LDLRAD2: variants seen among roughly 807,000 people sequenced by gnomAD.
The protein encoded by LDLRAD2 is low density lipoprotein receptor class A domain containing 2, also known as low-density lipoprotein receptor class A domain-containing protein 2.
Under a neutral mutation model 24.9 loss-of-function variants are expected in LDLRAD2, and 25 were observed. That is an observed-to-expected ratio of 1.00 (90% CI 0.73 to 1.40). The LOEUF (loss-of-function observed/expected upper bound fraction) is 1.40. Among genes scored for constraint, LDLRAD2 ranks in the 40% most tolerant of loss-of-function variants. LDLRAD2 has a pLI of 0.00. For missense variants in LDLRAD2, 391 were observed against 366.2 expected (o/e 1.07, Z -0.55); for synonymous variants, 182 against 166.7 (o/e 1.09, Z -0.71).
At chr1:21,813,673 C>T (rs559439871) in intron 1 of LDLRAD2, among the ~76,000 whole-genome samples, 2 of 152,308 alleles carry the variant, frequency 1.3e-5, no homozygotes, top group East Asian at 3.9e-4. Context: ...AGGATATTTG[C>T]TATTTCAGTT....
chr1:21,812,530 G>T lies in LDLRAD2; in HGVS notation c.79G>T (p.Glu27Ter). 1 of 1,613,994 alleles carries T rather than the reference G, an allele frequency of 6.2e-7. No individual in the cohort carries two copies. The highest frequency in any genetic ancestry group is 1.1e-5 in the South Asian group (1 of 91,034). The change falls in exon 1 of 5, where the codon GAG (glutamate) becomes TAG (stop). Residue 27 changes from glutamate (E) to a stop codon, truncating the protein, a stop_gained. Transcript: ENST00000344642. LOFTEE classifies it high-confidence loss of function. Reference protein sequence around the residue: ...GAAALTATALETADLAELCGQ... With the variant: ...GAAALTATAL ...AGCCGCCCTGACTGCAACTGCTTTGGAGACAGGTAAGTATCAGGGGGCTTG... is the reference window on the plus strand; with the variant it reads ...AGCCGCCCTGACTGCAACTGCTTTGTAGACAGGTAAGTATCAGGGGGCTTG...
chr1:21,816,968 C>T (rs979108450), intron 3 of LDLRAD2, among the ~76,000 whole-genome samples: 3 of 152,142 alleles, frequency 2.0e-5, no homozygotes, highest in African/African-American at 4.8e-5. Flanking sequence ...GATGTATAGG[C>T]GAAATCTCAA....
chr1:21,815,890 G>GT (rs1412414968), intron 2 of LDLRAD2, 53 bp from the exon 3 acceptor site: 1 of 1,602,994 alleles, frequency 6.2e-7, no homozygotes, highest in Admixed American at 1.7e-5. Flanking sequence ...ACATCCTGCT[G>GT]TGTCGTGGGC....
At chr1:21,821,143 G>C (rs1029516423) in intron 3 of LDLRAD2, among the ~76,000 whole-genome samples, 1 of 152,240 alleles carries the variant, frequency 6.6e-6, no homozygotes, top group Admixed American at 6.5e-5. Flanking sequence ...GTTGCAGTGA[G>C]TGGTGATTGC....
intron 3 of LDLRAD2, among the ~76,000 whole-genome samples, chr1:21,818,523 A>G (rs2097946694): frequency 6.6e-6 from 1 of 152,206 alleles, no homozygotes; most frequent in African/African-American, 2.4e-5. Context: ...TCTTCATCAC[A>G]TCACATCACA....
chr1:21,822,443 G>C lies in LDLRAD2; in HGVS notation c.*228G>C. 1 of 567,388 alleles carries C rather than the reference G, an allele frequency of 1.8e-6. No homozygotes were observed. The highest frequency in any genetic ancestry group is 3.2e-6 in the Non-Finnish European group (1 of 315,668). 35.1% of individuals were successfully genotyped at this position (567,388 alleles called of 1,614,324 possible). A position where few individuals can be genotyped will look rare whatever the true frequency, so the allele number is the denominator to read the frequency against. On this transcript the variant is annotated 3_prime_UTR_variant, in exon 5 of 5. Coordinates refer to ENST00000344642, the MANE Select transcript of LDLRAD2 (RefSeq NM_001013693.3). The stretch of plus-strand genomic sequence containing the variant: ...CCTCTCTCTCTCAGTCGTGAGTCCT[G>C]CCTTCCCCCACCTAAGGCACTAGCT...
rs760586348 is a variant in LDLRAD2, at chr1:21,824,106, G to A, written c.*1891G>A. ...ACGCTGGGCCCCATCCCGAGTGCCC[G>A]GCAGGGTCCCTTACCGCAGTGCTGT... is the stretch of plus-strand genomic sequence containing the variant. On this transcript the variant is annotated 3_prime_UTR_variant, in exon 5 of 5. Transcript: ENST00000344642. This position sits in a 1 kb window ranked among gnomAD's most constrained non-coding sequence, Gnocchi z 5.9. The A allele has an allele frequency of 7.5e-6, 12 of 1,610,246 alleles. No homozygotes were observed. The highest frequency in any genetic ancestry group is 1.1e-5 in the South Asian group (1 of 90,820).
chr1:21,814,597 G>A lies in LDLRAD2; in HGVS notation c.285G>A (p.Ala95=). 6.2e-7 allele frequency: 1 copy of A among 1,611,270 alleles called. No individual in the cohort carries two copies. Among genetic ancestry groups the A allele is most frequent in the Non-Finnish European group, 8.5e-7 (1 of 1,179,104 alleles). Residue 95 remains alanine (A), a synonymous_variant, in exon 2 of 5, where the codon GCG becomes GCA. Transcript: ENST00000344642. The part of the protein sequence containing the change: ...LVYSLTPAPP[A]LNTSSPAPAD... ...ACAGCCTGACCCCCGCGCCCCCGGC[G>A]CTCAACACCTCCTCCCCGGCCCCGG...
chr1:21,816,754 C>T (rs529903833), intron 3 of LDLRAD2, among the ~76,000 whole-genome samples: 205 of 152,274 alleles, frequency 1.3e-3, no homozygotes, highest in Non-Finnish European at 2.0e-3. Flanking sequence ...ACTTACCTTC[C>T]CCATCCCCCG....
intron 2 of LDLRAD2, among the ~76,000 whole-genome samples, chr1:21,815,224 G>A (rs1321763429): frequency 1.3e-5 from 2 of 151,670 alleles, no homozygotes; most frequent in Non-Finnish European, 2.9e-5. Context: ...GCACCTCATC[G>A]CCCCCACACA....
chr1:21,814,356 G>T, intron 1 of LDLRAD2, 42 bp from the exon 2 acceptor site: 1 of 1,507,608 alleles, frequency 6.6e-7, no homozygotes. Flanking sequence ...TAGAGTTCGG[G>T]GTCGCGCCGC....
chr1:21,812,587 C>T (rs1446885839), intron 1 of LDLRAD2, 51 bp downstream of exon 1: 1 of 1,455,928 alleles, frequency 6.9e-7, no homozygotes, highest in African/African-American at 1.4e-5. Flanking sequence ...GGGCCCCCAC[C>T]ATCCTTAGAG....
chr1:21,814,417 C>G lies in LDLRAD2; in HGVS notation c.105C>G (p.Cys35Trp), dbSNP rs201692616. The G allele has an allele frequency of 4.6e-4, 736 of 1,604,360 alleles. 3 individuals carry two copies. The African/African-American group carries it at 8.9e-3, about 19-fold the overall frequency. Residue 35 changes from cysteine (C) to tryptophan (W), a missense_variant, in exon 2 of 5, where the codon TGC (cysteine) becomes TGG (tryptophan). Transcript: ENST00000344642. ...CTGCAGCCGACCTGGCGGAACTGTG[C>G]GGGCAGACGTGGCAGGGGGACGGGC... ...ALETADLAEL[C>W]GQTWQGDGLL... is the part of the protein sequence containing the mutation.
intron 4 of LDLRAD2, 145 bp from the exon 5 acceptor site, chr1:21,822,057 C>A: frequency 1.3e-6 from 2 of 1,503,818 alleles, no homozygotes; most frequent in East Asian, 4.8e-5. Flanking sequence ...TTGGACAGGC[C>A]CCCTAACCCT....
Position 21,823,743 on chromosome 1 carries a change from C to T in LDLRAD2, c.*1528C>T. On this transcript the variant is annotated 3_prime_UTR_variant, in exon 5 of 5. Transcript: ENST00000344642. ...CCCTGCAGTGGAACTGGGTCAGGCCCCTTTCCACAAACTTCCTGGTCCTCC... is the reference window on the plus strand; with the variant it reads ...CCCTGCAGTGGAACTGGGTCAGGCCTCTTTCCACAAACTTCCTGGTCCTCC... 6.3e-7 allele frequency: 1 copy of T among 1,595,790 alleles called. No homozygotes were observed. Among genetic ancestry groups the T allele is most frequent in the Non-Finnish European group, 8.6e-7 (1 of 1,164,738 alleles).
At chr1:21,815,903 G>T in intron 2 of LDLRAD2, 40 bp from the exon 3 acceptor site, 3 of 1,610,458 alleles carry the variant, frequency 1.9e-6, no homozygotes, top group South Asian at 1.1e-5. Context: ...TCGTGGGCTG[G>T]ACCGGAATCC....
chr1:21,822,016 G>A (rs183695864), intron 4 of LDLRAD2, 186 bp from the exon 5 acceptor site: 10 of 1,432,794 alleles, frequency 7.0e-6, no homozygotes, highest in East Asian at 2.5e-5. Context: ...CAGACTCTTT[G>A]GGTTCTAACC....
In LDLRAD2 at chr1:21,814,527, C is replaced by G; in HGVS notation, c.215C>G (p.Ala72Gly). Residue 72 changes from alanine to glycine, a missense_variant, in exon 2 of 5, where the codon GCC becomes GGC. Coordinates refer to ENST00000344642, the MANE Select transcript of LDLRAD2 (RefSeq NM_001013693.3). ...TDCGLWVQAA[A>G]PGDRIRFQFR... ...TGCGGGCTCTGGGTGCAGGCGGCAGCCCCCGGCGACCGGATCCGCTTCCAG... is the reference window on the plus strand; with the variant it reads ...TGCGGGCTCTGGGTGCAGGCGGCAGGCCCCGGCGACCGGATCCGCTTCCAG... 1 of 1,612,316 alleles carries G rather than the reference C, an allele frequency of 6.2e-7. No homozygotes were observed. The highest frequency in any genetic ancestry group is 8.5e-7 in the Non-Finnish European group (1 of 1,179,480).
intron 1 of LDLRAD2, 147 bp from the exon 2 acceptor site, chr1:21,814,251 G>A (rs1393065554): frequency 1.6e-6 from 1 of 612,526 alleles, no homozygotes; most frequent in African/African-American, 1.9e-5. Context: ...ATCATTCTGA[G>A]ATTGATTAAT....
Sources: gnomAD v4.1 joint callset for allele counts (sites outside exome capture counted in the v4.1 genomes callset) on GRCh38, gnomAD v4.1.1 for gene constraint, Gnocchi (gnomAD v3.1) non-coding constraint, MANE v1.5 for transcripts, NCBI Gene and HGNC (gene_info 2026-07-23, HGNC 2026-07-21) for gene names.